The following TMPRSS11F variants were observed in gnomAD, a reference collection of about 807,000 sequenced individuals.
TMPRSS11F encodes the protein transmembrane protease serine 11F.
TMPRSS11F carries 47 observed loss-of-function variants against 60.2 expected under a neutral mutation model. That is an observed-to-expected ratio of 0.78 (90% confidence interval 0.62 to 1.00). TMPRSS11F has a LOEUF of 1.00. TMPRSS11F is among the 50% of genes least tolerant of loss of function. The pLI, the probability that TMPRSS11F is intolerant of heterozygous loss-of-function variation, is 0.00. For synonymous variants in TMPRSS11F, 166 were observed against 167.3 expected, an observed-to-expected ratio of 0.99 and a Z score of 0.06; for missense variants, 519 against 522.9, an observed-to-expected ratio of 0.99 and a Z score of 0.07.
chr4:68,091,238 T>G (rs1451559405), intron 2 of TMPRSS11F, among the ~76,000 whole-genome samples: 3 of 152,162 alleles, frequency 2.0e-5, no homozygotes, highest in Non-Finnish European at 4.4e-5. Context: ...CCTTGTAGCC[T>G]TCATCATGTT....
intron 2 of TMPRSS11F, among the ~76,000 whole-genome samples, chr4:68,096,762 T>C (rs1724084089): frequency 1.3e-5 from 2 of 152,206 alleles, no homozygotes; most frequent in Admixed American, 6.5e-5. Flanking sequence ...TACACTTCCA[T>C]CCTGGTGATG....
chr4:68,127,298 A>G (rs1298905891), intron 1 of TMPRSS11F, among the ~76,000 whole-genome samples: 1 of 152,108 alleles, frequency 6.6e-6, no homozygotes, highest in African/African-American at 2.4e-5. Flanking sequence ...TACGTATTCA[A>G]AGAAGCTTTT....
At position 68,092,573 on chromosome 4, in the gene TMPRSS11F, G is replaced by A. The variant is rs1560403840; in HGVS notation, c.164-1932C>T. On this transcript the variant is annotated intron_variant, in intron 2 of 9. Coordinates refer to ENST00000356291, the MANE Select transcript of TMPRSS11F (RefSeq NM_207407.2). ...TTTCTTTATTTTTACTGATGGATGC[G>A]TGGATGAATTAATCAATATTTACCA... 2.6e-5 allele frequency among the ~76,000 whole-genome samples: 4 copies of A among 152,218 alleles called. No homozygotes were observed. The South Asian group carries it at 6.2e-4, about 24-fold the overall frequency.
chr4:68,077,401 T>A (rs1223088387), intron 3 of TMPRSS11F: 2 of 152,208 alleles, frequency 1.3e-5, no homozygotes, highest in African/African-American at 4.8e-5. Context: ...GCATTCTCTG[T>A]GATTCCAGTG....
chr4:68,056,440 A>T (rs1210197600), intron 9 of TMPRSS11F, among the ~76,000 whole-genome samples: 1 of 149,730 alleles, frequency 6.7e-6, no homozygotes, highest in Non-Finnish European at 1.5e-5. Context: ...CAAAAAAAAA[A>T]TAGCAAAAAA....
chr4:68,087,856 C>T (rs1232664844), intron 3 of TMPRSS11F, among the ~76,000 whole-genome samples: 36 of 144,110 alleles, frequency 2.5e-4, no homozygotes, highest in Non-Finnish European at 4.3e-4. Flanking sequence ...TCTCCCAGTG[C>T]TATCCCTCCC....
At position 68,077,481 on chromosome 4, in the gene TMPRSS11F, T is replaced by C. The variant is rs575276482; in HGVS notation, c.283-3472A>G. The C allele has an allele frequency of 3.9e-5, 6 of 152,358 alleles. No homozygotes were observed. In the East Asian group the frequency reaches 1.2e-3, roughly 29 times the overall value. The allele number at this position is 152,358 out of a possible 1,614,324, so 9.4% of individuals were successfully genotyped here. On this transcript the variant is annotated intron_variant, in intron 3 of 9. Coordinates refer to ENST00000356291, the MANE Select transcript of TMPRSS11F (RefSeq NM_207407.2). Reference sequence around the variant, plus strand: ...TCTGCAGCCAGAACAGGAATGCTGCTGGAAGAGCAAGAATGAAAATCATCA... The same window carrying C: ...TCTGCAGCCAGAACAGGAATGCTGCCGGAAGAGCAAGAATGAAAATCATCA...
intron 3 of TMPRSS11F, among the ~76,000 whole-genome samples, chr4:68,088,653 C>T (rs1032811758): frequency 4.6e-5 from 7 of 152,210 alleles, no homozygotes; most frequent in Admixed American, 2.6e-4. Flanking sequence ...GTAAAGCTCT[C>T]CTCAGGAAAT....
At chr4:68,115,380 A>AAAG (rs1577935687) in intron 1 of TMPRSS11F, among the ~76,000 whole-genome samples, 31 of 140,384 alleles carry the variant, frequency 2.2e-4, no homozygotes, top group South Asian at 1.2e-3. Flanking sequence ...AAAAAAAAAA[A>AAAG]AAGAAGAAGA....
In TMPRSS11F at chr4:68,115,010, A is replaced by AAAG. The variant is rs1553888822; in HGVS notation, c.11+14797_11+14799dup. Among the ~76,000 whole-genome samples the AAAG allele has an allele frequency of 5.0e-4, 68 of 137,220 alleles. 6 individuals carry two copies. Among genetic ancestry groups the AAAG allele is most frequent in the Middle Eastern group, 7.9e-3 (2 of 254 alleles). The allele number at this position is 137,220 out of a possible 152,430, so 90.0% of individuals were successfully genotyped here. ...TTATTTAAAAAAAAAAAAAAAAAAAAAAGAAGAAGAACAAGAAGAAAGCTT... is the reference window on the plus strand; with the variant it reads ...TTATTTAAAAAAAAAAAAAAAAAAAAAAGAAGAAGAAGAACAAGAAGAAAGCTT... On this transcript the variant is annotated intron_variant, in intron 1 of 9. Coordinates refer to ENST00000356291, the MANE Select transcript of TMPRSS11F (RefSeq NM_207407.2).
chr4:68,075,570 C>G (rs1282611272), intron 3 of TMPRSS11F, among the ~76,000 whole-genome samples: 1 of 152,000 alleles, frequency 6.6e-6, no homozygotes. Flanking sequence ...CTAGACAGGA[C>G]TTGAACAGGT....
intron 1 of TMPRSS11F, among the ~76,000 whole-genome samples, chr4:68,129,070 G>A (rs1001004734): frequency 1.1e-4 from 16 of 152,142 alleles, no homozygotes; most frequent in African/African-American, 3.9e-4. Flanking sequence ...GAAAGATCGA[G>A]AACCTTTTTA....
chr4:68,093,688 A>C (rs1254478927), intron 2 of TMPRSS11F, among the ~76,000 whole-genome samples: 5 of 151,838 alleles, frequency 3.3e-5, no homozygotes, highest in Non-Finnish European at 7.4e-5. Context: ...CAATGAACTC[A>C]AACAAATTTA....
At chr4:68,097,382 C>T (rs1724094550) in intron 2 of TMPRSS11F, among the ~76,000 whole-genome samples, 1 of 152,116 alleles carries the variant, frequency 6.6e-6, no homozygotes, top group Non-Finnish European at 1.5e-5. Flanking sequence ...CATTCCTTTG[C>T]TGATGGTCCC....
intron 8 of TMPRSS11F, among the ~76,000 whole-genome samples, chr4:68,060,902 A>C (rs1176383864): frequency 6.6e-6 from 1 of 152,008 alleles, no homozygotes; most frequent in Non-Finnish European, 1.5e-5. Flanking sequence ...TTATTATGGT[A>C]ATAACAAGTT....
chr4:68,057,157 T>C (rs531881311), intron 9 of TMPRSS11F, among the ~76,000 whole-genome samples: 2 of 151,804 alleles, frequency 1.3e-5, no homozygotes, highest in African/African-American at 2.4e-5. Context: ...TGGTGGCACA[T>C]GCCTGTAGTC....
intron 3 of TMPRSS11F, among the ~76,000 whole-genome samples, chr4:68,074,808 C>A (rs1353199581): frequency 1.3e-5 from 2 of 152,142 alleles, no homozygotes; most frequent in Non-Finnish European, 2.9e-5. Flanking sequence ...CAAAAAAGCA[C>A]TGGGCTAGCA....
intron 1 of TMPRSS11F, among the ~76,000 whole-genome samples, chr4:68,107,748 C>A (rs966661696): frequency 6.6e-6 from 1 of 152,128 alleles, no homozygotes; most frequent in Admixed American, 6.5e-5. Context: ...ACCATCCTGG[C>A]CAACATGGTG....
intron 5 of TMPRSS11F, 97 bp downstream of exon 5, chr4:68,072,226 A>ATATATATATATATATATCTTAC (rs61224244): frequency 0.01 from 801 of 79,288 alleles, 44 homozygotes; most frequent in African/African-American, 0.027. Flanking sequence ...TCTTCCAAAA[A>ATATATATATATATATATCTTAC]AAAAATATAT....
Sources: gnomAD v4.1 joint callset for allele counts (sites outside exome capture counted in the v4.1 genomes callset) on GRCh38, gnomAD v4.1.1 for gene constraint, MANE v1.5 for transcripts, NCBI Gene and HGNC (gene_info 2026-07-23, HGNC 2026-07-21) for gene names.